ERCC6: variants seen among roughly 807,000 people sequenced by gnomAD.
ERCC6 encodes the protein DNA excision repair protein ERCC-6.
A neutral mutation model predicts 158.7 loss-of-function variants in ERCC6; 116 were observed. The ratio of observed to expected loss-of-function variants is 0.73; its 90% confidence interval spans 0.63 to 0.85. The LOEUF is 0.85. Ranked by LOEUF, ERCC6 falls within the 40% of genes least tolerant of loss-of-function variation. ERCC6 has a pLI of 0.00. For missense variants in ERCC6, 1,698 were observed against 1,799.4 expected (o/e 0.94, Z 1.02); for synonymous variants, 678 against 659.3 (o/e 1.03, Z -0.43).
intron 3 of ERCC6, among the ~76,000 whole-genome samples, chr10:49,528,975 T>TA (rs1290253793): frequency 2.0e-5 from 3 of 152,180 alleles, no homozygotes; most frequent in African/African-American, 7.2e-5. Context: ...TTGAAAAAGT[T>TA]AGTCTCCTTT....
intron 8 of ERCC6, 95 bp downstream of exon 8, chr10:49,493,022 T>C (rs1851202265): frequency 7.8e-7 from 1 of 1,277,940 alleles, no homozygotes; most frequent in Admixed American, 1.9e-5. Context: ...AACACAGGAA[T>C]ATACATTTGA....
At chr10:49,494,842 T>C (rs1009804569) in intron 7 of ERCC6, among the ~76,000 whole-genome samples, 10 of 152,210 alleles carry the variant, frequency 6.6e-5, no homozygotes, top group African/African-American at 2.4e-4. Flanking sequence ...CAAGGACACC[T>C]GGCCTTAGGC....
At chr10:49,505,819 T>C in intron 6 of ERCC6, 65 bp downstream of exon 6, 1 of 1,602,514 alleles carries the variant, frequency 6.2e-7, no homozygotes, top group South Asian at 1.1e-5. Context: ...ATGTAATTCC[T>C]AAAATGTTAA....
intron 3 of ERCC6, among the ~76,000 whole-genome samples, chr10:49,530,168 G>T (rs1477585686): frequency 1.3e-5 from 2 of 152,158 alleles, no homozygotes; most frequent in Non-Finnish European, 2.9e-5. Context: ...CCAGGCCAAA[G>T]AAATGGTGAT....
intron 5 of ERCC6, chr10:49,515,971 T>C (rs1836946081): frequency 6.2e-7 from 1 of 1,614,186 alleles, no homozygotes; most frequent in Non-Finnish European, 8.5e-7. Context: ...AGTGGAACTC[T>C]GTCAATGTGA....
At chr10:49,486,808 A>G (rs868816354) in intron 8 of ERCC6, among the ~76,000 whole-genome samples, 29 of 152,248 alleles carry the variant, frequency 1.9e-4, no homozygotes, top group African/African-American at 7.0e-4. Context: ...ACTAGATCCT[A>G]TTACTGAAAT....
At chr10:49,459,321 G>A (rs1221204176) in intron 20 of ERCC6, 87 bp from the exon 21 acceptor site, 2 of 1,422,036 alleles carry the variant, frequency 1.4e-6, no homozygotes, top group African/African-American at 1.4e-5. Context: ...AGGGTCACAA[G>A]ACAACACATG....
At position 49,538,925 on chromosome 10, in the gene ERCC6, C is replaced by A. The variant is rs41547818; in HGVS notation, c.-15+37G>T. 586 of 152,704 alleles carry A rather than the reference C, an allele frequency of 3.8e-3. 1 individual carries two copies. Among genetic ancestry groups the A allele is most frequent in the Middle Eastern group, 6.7e-3 (2 of 298 alleles). 9.5% of individuals were successfully genotyped at this position (152,704 alleles called of 1,614,324 possible). ...AAGCCTGAGCTGGGCCCCGACACCC[C>A]CTGCCCGACATTCGGCCGGGACCCC... On this transcript the variant is annotated intron_variant, in intron 1 of 20. Transcript: ENST00000355832.
At chr10:49,476,433 TTATTAA>T (rs1365923682) in intron 11 of ERCC6, 123 bp from the exon 12 acceptor site, 1 of 674,366 alleles carries the variant, frequency 1.5e-6, no homozygotes, top group East Asian at 2.9e-5. Context: ...GATATCCCTA[TTATTAA>T]TATTAAAACA....
chr10:49,445,535 T>C, the ERCC6 span, among the ~76,000 whole-genome samples: 2 of 152,202 alleles, frequency 1.3e-5, no homozygotes, highest in Non-Finnish European at 2.9e-5. Flanking sequence ...ACAGCTCTTA[T>C]TTTTGTGCCA....
At position 49,473,433 on chromosome 10, in the gene ERCC6, G is replaced by A. The variant is rs199528821; in HGVS notation, c.2709+44C>T. ...GATACGCTTAGTCCTTTCCCTCCAC[G>A]TACAGCAGCACCACTCAACTTCCCT... On this transcript the variant is annotated intron_variant, in intron 14 of 20. Coordinates refer to ENST00000355832, the MANE Select transcript of ERCC6 (RefSeq NM_000124.4). The A allele has an allele frequency of 2.0e-4, 250 of 1,241,680 alleles. No homozygotes were observed. The African/African-American group carries it at 2.9e-3, about 14-fold the overall frequency. 76.9% of individuals were successfully genotyped at this position (1,241,680 alleles called of 1,614,324 possible).
intron 4 of ERCC6, among the ~76,000 whole-genome samples, chr10:49,528,070 C>A (rs1340602974): frequency 6.6e-6 from 1 of 152,152 alleles, no homozygotes; most frequent in Admixed American, 6.5e-5. Flanking sequence ...TCTACAAATG[C>A]GATTAATGAT....
chr10:49,518,810 C>A (rs928041816), intron 5 of ERCC6, among the ~76,000 whole-genome samples: 5 of 152,148 alleles, frequency 3.3e-5, no homozygotes, highest in African/African-American at 1.2e-4. Context: ...ATTATCTTCG[C>A]AGGAGATTAT....
chr10:49,478,619 G>A (rs1850921273), intron 10 of ERCC6, 149 bp from the exon 11 acceptor site: 1 of 694,688 alleles, frequency 1.4e-6, no homozygotes, highest in African/African-American at 1.8e-5. Context: ...AAAATGGTTT[G>A]AAAAAGCTAG....
Position 49,478,359 on chromosome 10 carries a change from C to T in ERCC6, c.2281G>A (p.Glu761Lys). The change falls in exon 11 of 21, where the codon GAA (glutamate) becomes AAA (lysine). Residue 761 changes from glutamate to lysine, a missense_variant. Coordinates refer to ENST00000355832, the MANE Select transcript of ERCC6 (RefSeq NM_000124.4). ...TAACTCCTGGATTTACAGACCTGTT[C>T]ATTTTTATCTGGCAAAGAAAGGCTC... ...KMSLSLPDKN[E>K]QVLFCRLTDE... The T allele has an allele frequency of 1.2e-6, 2 of 1,603,994 alleles. No individual in the cohort carries two copies. Among genetic ancestry groups the T allele is most frequent in the Non-Finnish European group, 1.7e-6 (2 of 1,170,828 alleles).
the ERCC6 span, among the ~76,000 whole-genome samples, chr10:49,442,918 C>T: frequency 6.6e-6 from 1 of 152,032 alleles, no homozygotes; most frequent in African/African-American, 2.4e-5. Flanking sequence ...AATTCTATTC[C>T]AAACATTAAT....
chr10:49,500,848 T>G (rs571582885), intron 6 of ERCC6, 152 bp from the exon 7 acceptor site: 6 of 769,438 alleles, frequency 7.8e-6, no homozygotes, highest in African/African-American at 1.7e-5. Context: ...GAGTATTATA[T>G]TTATAAGGTC....
chr10:49,515,829 T>C lies in ERCC6; in HGVS notation c.1397+8204A>G, dbSNP rs754389320. 35 of 1,614,088 alleles carry C rather than the reference T, an allele frequency of 2.2e-5. No individual in the cohort carries two copies. In the Admixed American group the frequency reaches 4.5e-4, roughly 21 times the overall value. On this transcript the variant is annotated intron_variant, in intron 5 of 20. Transcript: ENST00000355832. ...GTAACGACTGACAAGACACAGGGGA[T>C]GGATACCAGCACCAGATGAGGCAAC...
intron 5 of ERCC6, chr10:49,516,635 C>A (rs775870351): frequency 1.2e-6 from 2 of 1,614,178 alleles, no homozygotes; most frequent in Non-Finnish European, 1.7e-6. Context: ...AGTTGGAGTA[C>A]TTGACAATGA....
Sources: gnomAD v4.1 joint callset for allele counts (sites outside exome capture counted in the v4.1 genomes callset) on GRCh38, gnomAD v4.1.1 for gene constraint, MANE v1.5 for transcripts, NCBI Gene and HGNC (gene_info 2026-07-23, HGNC 2026-07-21) for gene names.